RSBN1L: variants seen among roughly 807,000 people sequenced by gnomAD.
RSBN1L encodes round spermatid basic protein 1 like, also known as lysine-specific demethylase RSBN1L.
A neutral mutation model predicts 67.7 loss-of-function variants in RSBN1L; 30 were observed. That is an observed-to-expected ratio of 0.44 (90% CI 0.33 to 0.60). RSBN1L has a LOEUF of 0.60. RSBN1L is among the 20% of genes least tolerant of loss of function. The pLI is 0.02. For missense variants in RSBN1L, 992 were observed against 1,031.7 expected, an observed-to-expected ratio of 0.96 and a Z score of 0.53; for synonymous variants, 433 against 387.0, an observed-to-expected ratio of 1.12 and a Z score of -1.39.
rs1790726368 is a variant in RSBN1L, at chr7:77,696,509, G to A, written c.40G>A (p.Ala14Thr). The change falls in exon 1 of 8, where the codon GCG (alanine) becomes ACG (threonine). Residue 14 changes from alanine (A) to threonine (T), a missense_variant. Physicochemically the swap from Ala to Thr is moderately conservative, Grantham distance 58 (BLOSUM62 0). Transcript: ENST00000334955. ...GAGCCCCGTGCACTGTGTCGCTGCC[G>A]CGGCCCCCACCGCCACCGTCTCGGA... ...PPSPVHCVAA[A>T]APTATVSEKE... is the part of the protein sequence containing the mutation. 1 of 1,613,592 alleles carries A rather than the reference G, an allele frequency of 6.2e-7. No homozygotes were observed. The highest frequency in any genetic ancestry group is 1.3e-5 in the African/African-American group (1 of 75,050).
At chr7:77,767,750 CT>C (rs1247836067) in intron 4 of RSBN1L, among the ~76,000 whole-genome samples, 1 of 91,030 alleles carries the variant, frequency 1.1e-5, no homozygotes, top group Non-Finnish European at 2.2e-5. Flanking sequence ...CCCCTCCCCC[CT>C]TTTTCCCTCC....
chr7:77,745,447 T>C (rs10240081), intron 2 of RSBN1L, among the ~76,000 whole-genome samples: 64,301 of 152,078 alleles, frequency 0.42, 14,000 homozygotes, highest in African/African-American at 0.5. Flanking sequence ...TAAATTAATA[T>C]AAAGGTTATT....
intron 2 of RSBN1L, among the ~76,000 whole-genome samples, chr7:77,740,540 ATAAC>A (rs998725887): frequency 4.6e-5 from 7 of 152,174 alleles, no homozygotes; most frequent in Admixed American, 1.3e-4. Flanking sequence ...AAAGTTGAGA[ATAAC>A]TAAGCTAATT....
rs755423050 is a variant in RSBN1L at position 77,749,410 on chromosome 7, A to G, written c.704-14A>G. 3.3e-6 allele frequency: 5 copies of G among 1,511,584 alleles called. No homozygotes were observed. Among genetic ancestry groups the G allele is most frequent in the Non-Finnish European group, 4.4e-6 (5 of 1,132,608 alleles). 93.6% of individuals were successfully genotyped at this position (1,511,584 alleles called of 1,614,324 possible). ...ATTAAAATATGGAGTTTCAAAAAAC[A>G]TTTTTTCCAACAGGTGGGAAGGAGA... On this transcript the variant is annotated splice_polypyrimidine_tract_variant and intron_variant, in intron 2 of 7. Transcript: ENST00000334955.
At position 77,742,056 on chromosome 7, in the gene RSBN1L, A is replaced by G. The variant is rs1310919384; in HGVS notation, c.703+5530A>G. On this transcript the variant is annotated intron_variant, in intron 2 of 7. Transcript: ENST00000334955. ...TTTGTTATAGTGAAGGAGGACAGGC[A>G]TGGTGGCTCACAGCTCTTATCCCAG... is the stretch of plus-strand genomic sequence containing the variant. Among the ~76,000 whole-genome samples, 3 of 151,756 alleles carry G rather than the reference A, an allele frequency of 2.0e-5. 1 individual carries two copies. Among genetic ancestry groups the G allele is most frequent in the Middle Eastern group, 6.8e-3 (2 of 294 alleles).
At chr7:77,702,008 G>A (rs540156227) in intron 1 of RSBN1L, among the ~76,000 whole-genome samples, 2 of 151,122 alleles carry the variant, frequency 1.3e-5, no homozygotes, top group African/African-American at 4.9e-5. Context: ...TTGTACTGTC[G>A]CCCAGGCTGG....
At chr7:77,773,983 G>A (rs1444475717) in intron 6 of RSBN1L, among the ~76,000 whole-genome samples, 1 of 152,162 alleles carries the variant, frequency 6.6e-6, no homozygotes, top group African/African-American at 2.4e-5. Flanking sequence ...GAGGCTCAGG[G>A]CTGTCAAATA....
chr7:77,762,848 T>G (rs1791712985), intron 3 of RSBN1L, among the ~76,000 whole-genome samples: 1 of 152,176 alleles, frequency 6.6e-6, no homozygotes, highest in African/African-American at 2.4e-5. Context: ...TCATGTATAA[T>G]ATGACTTTTT....
In RSBN1L at chr7:77,779,109, A is replaced by G. The variant is rs1431813743; in HGVS notation, c.2482A>G (p.Arg828Gly). 1.2e-6 allele frequency: 2 copies of G among 1,613,400 alleles called. No individual in the cohort carries two copies. The highest frequency in any genetic ancestry group is 2.7e-5 in the African/African-American group (2 of 74,906). The part of the protein sequence containing the change: ...CPGNLSLVDT[R>G]QHSSAHSNQD... The stretch of plus-strand genomic sequence containing the variant: ...TGGAAATCTAAGTCTAGTTGATACA[A>G]GGCAACACAGTTCAGCACATTCAAA... Residue 828 changes from arginine (R) to glycine (G), a missense_variant, in exon 8 of 8, where the codon AGG becomes GGG. Around this residue, in one of 7 missense-constraint regions of RSBN1L, gnomAD observed 199 missense variants for 167.7 expected, o/e 1.19. Coordinates refer to ENST00000334955, the MANE Select transcript of RSBN1L (RefSeq NM_198467.3).
At position 77,749,843 on chromosome 7, in the gene RSBN1L, A is replaced by G. The variant is rs1452026867; in HGVS notation, c.1123A>G (p.Met375Val). 3 of 1,614,032 alleles carry G rather than the reference A, an allele frequency of 1.9e-6. No homozygotes were observed. Among genetic ancestry groups the G allele is most frequent in the African/African-American group, 1.3e-5 (1 of 75,062 alleles). Reference sequence around the variant, plus strand: ...TAACGAACTCTCCCACCTGTCTCCTATGGAGATGGAGAGGTTTGCAGAAGA... The same window carrying G: ...TAACGAACTCTCCCACCTGTCTCCTGTGGAGATGGAGAGGTTTGCAGAAGA... ...YSNELSHLSP[M>V]EMERFAEEFV... The change falls in exon 3 of 8, where the codon ATG becomes GTG. Residue 375 changes from methionine (M) to valine (V), a missense_variant. Coordinates refer to ENST00000334955, the MANE Select transcript of RSBN1L (RefSeq NM_198467.3).
chr7:77,727,613 A>AT (rs1415126430), intron 1 of RSBN1L, among the ~76,000 whole-genome samples: 3 of 151,520 alleles, frequency 2.0e-5, no homozygotes, highest in Non-Finnish European at 4.4e-5. Flanking sequence ...TACTCAGCTA[A>AT]TTAAAAAACA....
intron 1 of RSBN1L, among the ~76,000 whole-genome samples, chr7:77,704,460 T>C (rs1790862002): frequency 6.6e-6 from 1 of 152,226 alleles, no homozygotes; most frequent in Non-Finnish European, 1.5e-5. Flanking sequence ...AAGTTTAACT[T>C]TTTAATCATA....
intron 1 of RSBN1L, among the ~76,000 whole-genome samples, chr7:77,698,355 A>C (rs1308212106): frequency 6.6e-6 from 1 of 152,194 alleles, no homozygotes; most frequent in East Asian, 1.9e-4. Context: ...TAGTATTTTA[A>C]AGCTATTTTG....
At chr7:77,719,663 AC>A (rs951268010) in intron 1 of RSBN1L, among the ~76,000 whole-genome samples, 1 of 152,174 alleles carries the variant, frequency 6.6e-6, no homozygotes, top group African/African-American at 2.4e-5. Context: ...TGCTCTGGAG[AC>A]CAATCTTTTC....
chr7:77,723,450 A>G (rs1791149884), intron 1 of RSBN1L, among the ~76,000 whole-genome samples: 1 of 152,164 alleles, frequency 6.6e-6, no homozygotes, highest in Admixed American at 6.5e-5. Context: ...TTCAGAATAC[A>G]TATATAATTT....
rs1334682056 is a variant in RSBN1L at position 77,779,186 on chromosome 7, A to G, written c.*18A>G. 3 of 1,530,104 alleles carry G rather than the reference A, an allele frequency of 2.0e-6. No individual in the cohort carries two copies. Among genetic ancestry groups the G allele is most frequent in the African/African-American group, 1.4e-5 (1 of 71,614 alleles). 94.8% of individuals were successfully genotyped at this position (1,530,104 alleles called of 1,614,324 possible). A position where few individuals can be genotyped will look rare whatever the true frequency, so the allele number is the denominator to read the frequency against. On this transcript the variant is annotated 3_prime_UTR_variant, in exon 8 of 8. Transcript: ENST00000334955. ...TGTGCTAAATTTGCATATACCATCT[A>G]AAATCCTTTTTTAAAAAAATTTAAT... is the stretch of plus-strand genomic sequence containing the variant.
intron 1 of RSBN1L, among the ~76,000 whole-genome samples, chr7:77,702,652 T>TCTTAGTCACTCGGGCTGC (rs1790833931): frequency 6.6e-6 from 1 of 152,174 alleles, no homozygotes; most frequent in Non-Finnish European, 1.5e-5. Flanking sequence ...AGGAGGGGTG[T>TCTTAGTCACTCGGGCTGC]CTTAGTCACT....
intron 3 of RSBN1L, among the ~76,000 whole-genome samples, chr7:77,765,293 A>G (rs1791746688): frequency 6.6e-6 from 1 of 152,140 alleles, no homozygotes; most frequent in South Asian, 2.1e-4. Flanking sequence ...ATTTAGTGCA[A>G]GTTTTATTTT....
chr7:77,777,947 C>G (rs1791939554), intron 6 of RSBN1L, among the ~76,000 whole-genome samples: 1 of 152,096 alleles, frequency 6.6e-6, no homozygotes, highest in Admixed American at 6.5e-5. Flanking sequence ...AAATAAAATA[C>G]TCCCTTTTCC....
Sources: allele counts gnomAD v4.1 joint callset (sites outside exome capture counted in the v4.1 genomes callset), GRCh38; gene constraint gnomAD v4.1.1; regional missense constraint gnomAD v4.1.1; transcripts MANE v1.5; gene names NCBI Gene and HGNC (gene_info 2026-07-23, HGNC 2026-07-21).